ADAMTSL1: variants seen among roughly 807,000 people sequenced by gnomAD.
The protein encoded by ADAMTSL1 is ADAMTS like 1.
In ADAMTSL1, 126 loss-of-function variants were observed where a neutral mutation model predicts 201.8. That is an observed-to-expected ratio of 0.62 (90% CI 0.54 to 0.72). The LOEUF is 0.72. Among genes scored for constraint, ADAMTSL1 ranks in the 30% least tolerant of loss-of-function variants. ADAMTSL1 has a pLI of 0.00. For synonymous variants in ADAMTSL1, 1,121 were observed against 903.4 expected (o/e 1.24, Z -4.32); for missense variants, 2,679 against 2,277.8 (o/e 1.18, Z -3.59).
At position 18,632,376 on chromosome 9, in the gene ADAMTSL1, T is replaced by C. The variant is rs140113292; in HGVS notation, c.602-3567T>C. Among the ~76,000 whole-genome samples, 996 of 152,340 alleles carry C rather than the reference T, an allele frequency of 6.5e-3. 19 individuals carry two copies. The highest frequency in any genetic ancestry group is 0.023 in the African/African-American group (948 of 41,578). ...TAAGAGTACTGTTCCTTAAAGTATG[T>C]CCTAAGATATATCAGCTGATTTTAA... is the stretch of plus-strand genomic sequence containing the variant. On this transcript the variant is annotated intron_variant, in intron 5 of 28. Coordinates refer to ENST00000380548, the MANE Select transcript of ADAMTSL1 (RefSeq NM_001040272.6).
chr9:18,619,961 A>C (rs1176671646), intron 4 of ADAMTSL1, among the ~76,000 whole-genome samples: 1 of 149,778 alleles, frequency 6.7e-6, no homozygotes, highest in Admixed American at 6.7e-5. Context: ...TAAAACTGTC[A>C]TGCTTTCTCA....
At chr9:18,854,754 G>A (rs1826736831) in intron 23 of ADAMTSL1, among the ~76,000 whole-genome samples, 2 of 152,180 alleles carry the variant, frequency 1.3e-5, no homozygotes, top group South Asian at 2.1e-4. Context: ...GGAGAGGGTG[G>A]AAGAACATGG....
chr9:18,234,977 C>T (rs1830785541), intron 2 of ADAMTSL1, among the ~76,000 whole-genome samples: 2 of 152,278 alleles, frequency 1.3e-5, no homozygotes, highest in Admixed American at 6.5e-5. Context: ...CTGAGATTCC[C>T]CTGTGATTAG....
At chr9:18,419,759 G>C (rs1230978045) in intron 2 of ADAMTSL1, among the ~76,000 whole-genome samples, 1 of 142,274 alleles carries the variant, frequency 7.0e-6, no homozygotes, top group East Asian at 2.1e-4. Context: ...TTGAGATGGA[G>C]TCTTGCTCTG....
chr9:18,159,183 A>C (rs1827281157), intron 1 of ADAMTSL1, among the ~76,000 whole-genome samples: 1 of 152,038 alleles, frequency 6.6e-6, no homozygotes, highest in African/African-American at 2.4e-5. Context: ...TACTATCTTA[A>C]TTCTCAGTAA....
intron 4 of ADAMTSL1, among the ~76,000 whole-genome samples, chr9:18,575,197 A>G (rs1215806054): frequency 6.6e-6 from 1 of 152,126 alleles, no homozygotes; most frequent in Non-Finnish European, 1.5e-5. Flanking sequence ...TTACATCTAT[A>G]TTTGGATGTA....
intron 2 of ADAMTSL1, among the ~76,000 whole-genome samples, chr9:18,393,805 A>G (rs746970215): frequency 6.6e-6 from 1 of 152,164 alleles, no homozygotes; most frequent in African/African-American, 2.4e-5. Context: ...CACAACCTTG[A>G]AGGAAACAAG....
chr9:18,538,455 C>T (rs1050705418), intron 3 of ADAMTSL1, among the ~76,000 whole-genome samples: 5 of 152,048 alleles, frequency 3.3e-5, no homozygotes, highest in African/African-American at 1.2e-4. Flanking sequence ...AAGGTCCCGT[C>T]CACCTCTGAA....
chr9:18,377,228 A>T (rs1038601210), intron 2 of ADAMTSL1, among the ~76,000 whole-genome samples: 5 of 152,302 alleles, frequency 3.3e-5, no homozygotes, highest in Middle Eastern at 3.4e-3. Flanking sequence ...TTCTCTATGG[A>T]CTTCTAATCT....
intron 2 of ADAMTSL1, among the ~76,000 whole-genome samples, chr9:18,341,483 C>T (rs1586924767): frequency 6.6e-6 from 1 of 152,092 alleles, no homozygotes; most frequent in Non-Finnish European, 1.5e-5. Flanking sequence ...CCTTCCACAT[C>T]CAGAATAAAT....
intron 1 of ADAMTSL1, among the ~76,000 whole-genome samples, chr9:18,501,764 T>C (rs1443295723): frequency 6.6e-6 from 1 of 152,214 alleles, no homozygotes; most frequent in Non-Finnish European, 1.5e-5. Context: ...ATGTTTATTC[T>C]ACTTGTTAAA....
rs74924259 is a variant in ADAMTSL1, at chr9:18,704,693, G to A, written c.1575-2054G>A. Among the ~76,000 whole-genome samples the A allele has an allele frequency of 5.5e-3, 839 of 152,208 alleles. 6 individuals carry two copies. The highest frequency in any genetic ancestry group is 8.5e-3 in the Non-Finnish European group (576 of 68,002). ...TAAAATGATTTTGATAGCAGTTTTT[G>A]GTTTTATGTTCCTAAAAAGCTCCTG... On this transcript the variant is annotated intron_variant, in intron 13 of 28. Coordinates refer to ENST00000380548, the MANE Select transcript of ADAMTSL1 (RefSeq NM_001040272.6).
At chr9:18,820,913 C>A (rs970344814) in intron 21 of ADAMTSL1, among the ~76,000 whole-genome samples, 9 of 152,114 alleles carry the variant, frequency 5.9e-5, no homozygotes, top group Non-Finnish European at 8.8e-5. Context: ...TGCAAAGGGC[C>A]TGAGGTAGAA....
intron 1 of ADAMTSL1, among the ~76,000 whole-genome samples, chr9:18,499,106 C>G (rs1822696562): frequency 6.6e-6 from 1 of 152,256 alleles, no homozygotes; most frequent in Admixed American, 6.5e-5. Context: ...TAGCAAGGGA[C>G]AGGCTTCATG....
chr9:17,999,275 A>G (rs902824494), intron 1 of ADAMTSL1, among the ~76,000 whole-genome samples: 21 of 152,142 alleles, frequency 1.4e-4, no homozygotes, highest in African/African-American at 5.1e-4. Flanking sequence ...ATCCTATTGT[A>G]TGTTTAGACC....
chr9:17,959,460 T>A (rs1817639686), intron 1 of ADAMTSL1, among the ~76,000 whole-genome samples: 2 of 152,084 alleles, frequency 1.3e-5, no homozygotes, highest in Admixed American at 1.3e-4. Context: ...TATTTTTATT[T>A]TTTATTTTTA....
intron 1 of ADAMTSL1, among the ~76,000 whole-genome samples, chr9:18,062,831 A>G (rs1347505764): frequency 1.3e-5 from 2 of 152,206 alleles, no homozygotes; most frequent in Non-Finnish European, 2.9e-5. Context: ...ATGGTTGGCT[A>G]CTTTGATGAA....
chr9:17,931,096 G>GA (rs1217198588), intron 1 of ADAMTSL1, among the ~76,000 whole-genome samples: 2 of 152,036 alleles, frequency 1.3e-5, no homozygotes, highest in East Asian at 1.9e-4. Context: ...TGTTTAAACA[G>GA]AAAAAAAGAC....
upstream of ADAMTSL1, among the ~76,000 whole-genome samples, chr9:18,472,037 G>A (rs1821235578): frequency 6.6e-6 from 1 of 152,004 alleles, no homozygotes; most frequent in African/African-American, 2.4e-5. Flanking sequence ...CTTCCCTTTG[G>A]ATCTGCTTAA....
Sources: gnomAD v4.1 joint callset for allele counts (sites outside exome capture counted in the v4.1 genomes callset) on GRCh38, gnomAD v4.1.1 for gene constraint, MANE v1.5 for transcripts, NCBI Gene and HGNC (gene_info 2026-07-23, HGNC 2026-07-21) for gene names.